Variants in NHSL3 observed in about 807,000 individuals in gnomAD.
NHSL3 encodes the protein NHS like 3, also known as NHS-like protein 3.
chr1:32,773,224 CTGAGTT>C, the NHSL3 span: 4 of 401,314 alleles, frequency 1.0e-5, no homozygotes, highest in Non-Finnish European at 1.8e-5. Context: ...GACACCTCAC[CTGAGTT>C]TCATTTTTTT....
the NHSL3 span, among the ~76,000 whole-genome samples, chr1:32,762,076 A>T: frequency 6.6e-6 from 1 of 152,236 alleles, no homozygotes; most frequent in Non-Finnish European, 1.5e-5. Context: ...CATCTATAAA[A>T]TGGGAATAAA....
chr1:32,769,767 G>C, the NHSL3 span: 1 of 1,614,030 alleles, frequency 6.2e-7, no homozygotes. Context: ...GACTCCCGCA[G>C]CATGTGCAGA....
the NHSL3 span, chr1:32,754,244 G>A: frequency 4.4e-6 from 3 of 688,812 alleles, no homozygotes; most frequent in South Asian, 3.1e-5. Context: ...CGTCGCCACC[G>A]CTGCTGCCCC....
the NHSL3 span, among the ~76,000 whole-genome samples, chr1:32,750,954 G>A: frequency 1.3e-5 from 2 of 152,054 alleles, no homozygotes; most frequent in African/African-American, 4.8e-5. Context: ...CGGGACTACA[G>A]GTGCCCGCCA....
the NHSL3 span, chr1:32,754,055 G>C: frequency 1.6e-6 from 1 of 641,734 alleles, no homozygotes; most frequent in Non-Finnish European, 2.9e-6. Flanking sequence ...TGGCTGGGCC[G>C]CGCTTGGGTT....
chr1:32,765,501 G>A, the NHSL3 span: 1 of 698,548 alleles, frequency 1.4e-6, no homozygotes, highest in African/African-American at 1.8e-5. Flanking sequence ...CTGGAGCAGA[G>A]CACCCACGGA....
chr1:32,763,082 G>A, the NHSL3 span, among the ~76,000 whole-genome samples: 2 of 151,372 alleles, frequency 1.3e-5, no homozygotes, highest in South Asian at 4.2e-4. Flanking sequence ...CTGGGTTTGA[G>A]CAATTCTCTC....
the NHSL3 span, among the ~76,000 whole-genome samples, chr1:32,761,176 C>T: frequency 6.6e-6 from 1 of 152,180 alleles, no homozygotes; most frequent in Non-Finnish European, 1.5e-5. Context: ...GCAGAAATCC[C>T]TGGAACAAGG....
At chr1:32,757,716 A>C in the NHSL3 span, among the ~76,000 whole-genome samples, 1 of 152,182 alleles carries the variant, frequency 6.6e-6, no homozygotes, top group Admixed American at 6.5e-5. Flanking sequence ...GAGATGAGGA[A>C]GCTGAGTTCG....
the NHSL3 span, among the ~76,000 whole-genome samples, chr1:32,753,851 G>C: frequency 6.6e-6 from 1 of 152,156 alleles, no homozygotes; most frequent in African/African-American, 2.4e-5. Flanking sequence ...CGGCTCAGCC[G>C]GTCTCCCAGG....
the NHSL3 span, chr1:32,768,093 C>T: frequency 1.2e-6 from 2 of 1,612,926 alleles, no homozygotes; most frequent in Admixed American, 1.7e-5. Context: ...GTGGCTGGGA[C>T]CATGGAGACA....
At chr1:32,762,877 C>G in the NHSL3 span, among the ~76,000 whole-genome samples, 2 of 152,086 alleles carry the variant, frequency 1.3e-5, no homozygotes, top group Non-Finnish European at 2.9e-5. Flanking sequence ...CATGGGCCAC[C>G]ACGCCCGGCC....
At chr1:32,741,930 GCCGCCCGCT>G in the NHSL3 span, 1 of 634,968 alleles carries the variant, frequency 1.6e-6, no homozygotes, top group Non-Finnish European at 2.0e-6. The surrounding 1 kb of genome is among the most constrained non-coding windows in gnomAD (Gnocchi z 4.3). Flanking sequence ...GGCCTGACCC[GCCGCCCGCT>G]CCGCCCCCGC....
chr1:32,758,623 A>T, the NHSL3 span, among the ~76,000 whole-genome samples: 3 of 152,006 alleles, frequency 2.0e-5, no homozygotes, highest in African/African-American at 7.3e-5. Context: ...GATCTGAGAT[A>T]AGCGGAATCT....
chr1:32,756,207 G>T, the NHSL3 span, among the ~76,000 whole-genome samples: 2 of 152,200 alleles, frequency 1.3e-5, no homozygotes, highest in Non-Finnish European at 2.9e-5. Context: ...AAAGCCTTCT[G>T]GGTTGGGGTC....
chr1:32,766,096 C>G, the NHSL3 span, among the ~76,000 whole-genome samples: 2 of 152,062 alleles, frequency 1.3e-5, no homozygotes, highest in Admixed American at 6.6e-5. Context: ...GCCTCCCTGC[C>G]GGGGTACCCA....
At chr1:32,771,811 C>T in the NHSL3 span, 2 of 1,612,622 alleles carry the variant, frequency 1.2e-6, no homozygotes, top group Non-Finnish European at 1.7e-6. Flanking sequence ...AGGTGCGCCC[C>T]TGGTCACGCC....
chr1:32,765,711 G>A, the NHSL3 span: 2 of 1,543,604 alleles, frequency 1.3e-6, no homozygotes, highest in Non-Finnish European at 1.7e-6. Context: ...GGTACGCCCC[G>A]CGCTCTGCTC....
chr1:32,747,028 C>T, the NHSL3 span, among the ~76,000 whole-genome samples: 1 of 152,234 alleles, frequency 6.6e-6, no homozygotes, highest in South Asian at 2.1e-4. Flanking sequence ...GTGGCCTCTC[C>T]AAGTTCCCTC....
Sources: gnomAD v4.1 joint callset for allele counts (sites outside exome capture counted in the v4.1 genomes callset) on GRCh38, gnomAD v4.1.1 for gene constraint, Gnocchi (gnomAD v3.1) non-coding constraint, MANE v1.5 for transcripts, NCBI Gene and HGNC (gene_info 2026-07-23, HGNC 2026-07-21) for gene names.